Variants in CSMD1 observed in about 807,000 individuals in gnomAD.
CSMD1 encodes the protein CUB and Sushi multiple domains 1.
CSMD1 carries 213 observed loss-of-function variants against 417.5 expected under a neutral mutation model. The observed-to-expected ratio is 0.51, with a 90% CI of 0.46 to 0.57. The LOEUF (loss-of-function observed/expected upper bound fraction) is 0.57, where lower values mean the gene tolerates loss of function less well. CSMD1 is among the 20% of genes least tolerant of loss of function. The pLI is 0.00. For synonymous variants in CSMD1, 2,862 were observed against 1,736.8 expected (o/e 1.65, Z -16.11); for missense variants, 6,923 against 4,529.7 (o/e 1.53, Z -15.17).
intron 3 of CSMD1, among the ~76,000 whole-genome samples, chr8:4,077,423 T>A (rs908845649): frequency 4.6e-5 from 7 of 151,670 alleles, no homozygotes; most frequent in Middle Eastern, 6.8e-3. Context: ...AATTTTTATA[T>A]GCAATAATTA....
At chr8:3,573,777 A>G (rs1376758714) in intron 10 of CSMD1, among the ~76,000 whole-genome samples, 1 of 152,090 alleles carries the variant, frequency 6.6e-6, no homozygotes, top group Non-Finnish European at 1.5e-5. Flanking sequence ...TAATAACTCA[A>G]TAATTGGTAA....
At chr8:4,886,770 G>C (rs754973015) in intron 1 of CSMD1, among the ~76,000 whole-genome samples, 11 of 151,772 alleles carry the variant, frequency 7.2e-5, no homozygotes, top group Non-Finnish European at 1.3e-4. Context: ...TATTTTACCA[G>C]ATTTGTTGGC....
At chr8:3,353,925 T>C (rs746239482) in intron 21 of CSMD1, among the ~76,000 whole-genome samples, 4 of 152,166 alleles carry the variant, frequency 2.6e-5, no homozygotes, top group African/African-American at 4.8e-5. Flanking sequence ...AATTCTTCTG[T>C]ACAAAGGAAT....
chr8:4,320,613 G>C (rs1210054377), intron 3 of CSMD1, among the ~76,000 whole-genome samples: 1 of 152,040 alleles, frequency 6.6e-6, no homozygotes, highest in Admixed American at 6.6e-5. Context: ...GCGGTGTTTG[G>C]CTTTCTGTTC....
intron 10 of CSMD1, among the ~76,000 whole-genome samples, chr8:3,523,015 C>CACACACA: frequency 7.0e-6 from 1 of 141,874 alleles, no homozygotes; most frequent in African/African-American, 2.7e-5. Flanking sequence ...ATACACACAC[C>CACACACA]CACACACACA....
At chr8:4,841,834 C>G (rs937549189) in intron 1 of CSMD1, among the ~76,000 whole-genome samples, 2 of 136,020 alleles carry the variant, frequency 1.5e-5, no homozygotes, top group East Asian at 4.7e-4. Context: ...TCGCTTGAAC[C>G]TGGGAGGTGG....
chr8:4,050,242 C>A (rs1347989480), intron 3 of CSMD1, among the ~76,000 whole-genome samples: 1 of 152,046 alleles, frequency 6.6e-6, no homozygotes, highest in Non-Finnish European at 1.5e-5. Flanking sequence ...CTATAAACTT[C>A]TGTATTTTTA....
At chr8:3,424,311 G>C (rs534536932) in intron 12 of CSMD1, among the ~76,000 whole-genome samples, 1 of 152,042 alleles carries the variant, frequency 6.6e-6, no homozygotes, top group African/African-American at 2.4e-5. Flanking sequence ...TATTAATTTT[G>C]AGTACAATCT....
intron 5 of CSMD1, among the ~76,000 whole-genome samples, chr8:3,949,221 TTC>T (rs1811442230): frequency 6.6e-6 from 1 of 152,184 alleles, no homozygotes; most frequent in Admixed American, 6.5e-5. Context: ...CCTTAAAATC[TTC>T]TGTTAGCAAT....
At chr8:4,091,524 T>G (rs1207296776) in intron 3 of CSMD1, among the ~76,000 whole-genome samples, 1 of 152,230 alleles carries the variant, frequency 6.6e-6, no homozygotes, top group Non-Finnish European at 1.5e-5. Context: ...ATAATTATGT[T>G]AAAGCTGGCA....
chr8:3,253,741 A>T (rs950023272), intron 26 of CSMD1, among the ~76,000 whole-genome samples: 13 of 152,096 alleles, frequency 8.5e-5, no homozygotes, highest in Admixed American at 6.6e-4. Flanking sequence ...ATCTTCCTCC[A>T]TCCTTTTATT....
chr8:4,478,540 C>T (rs1469115991), intron 2 of CSMD1, among the ~76,000 whole-genome samples: 1 of 152,084 alleles, frequency 6.6e-6, no homozygotes, highest in East Asian at 1.9e-4. Context: ...AATACACTGC[C>T]TTCCATTTAA....
Position 4,994,680 on chromosome 8 carries a change from C to A in CSMD1, c.-264G>T. The A allele has an allele frequency of 2.5e-6, 1 of 404,118 alleles. No homozygotes were observed. The highest frequency in any genetic ancestry group is 4.0e-5 in the South Asian group (1 of 25,230). The allele number at this position is 404,118 out of a possible 1,614,324, so 25.0% of individuals were successfully genotyped here. On this transcript the variant is annotated 5_prime_UTR_variant, in exon 1 of 70. Coordinates refer to ENST00000635120, the MANE Select transcript of CSMD1 (RefSeq NM_033225.6). ...GCGGGGCCGGGGCCGGGGACGAGCG[C>A]CGGCCGAGCCGGGCAGGAAGGCACC...
intron 50 of CSMD1, among the ~76,000 whole-genome samples, chr8:3,048,634 A>C (rs1563278646): frequency 6.6e-6 from 1 of 152,204 alleles, no homozygotes; most frequent in Non-Finnish European, 1.5e-5. Context: ...AAACTCCTAG[A>C]AGATAACATA....
chr8:3,501,457 T>A (rs988773567), intron 10 of CSMD1, among the ~76,000 whole-genome samples: 6 of 152,216 alleles, frequency 3.9e-5, no homozygotes, highest in Non-Finnish European at 7.3e-5. Context: ...TTTTATAATT[T>A]TCCAAGATTT....
At chr8:4,458,299 CTTTT>C (rs376555718) in intron 2 of CSMD1, among the ~76,000 whole-genome samples, 9 of 150,542 alleles carry the variant, frequency 6.0e-5, no homozygotes, top group East Asian at 1.9e-4. Flanking sequence ...CTTTCTCCCT[CTTTT>C]TTTTTGTGTG....
intron 16 of CSMD1, among the ~76,000 whole-genome samples, chr8:3,398,616 A>C (rs1022192540): frequency 6.6e-6 from 1 of 152,202 alleles, no homozygotes; most frequent in Non-Finnish European, 1.5e-5. Context: ...GTCAAGAAGA[A>C]GGTCATTGTT....
chr8:4,405,857 C>A (rs1417577350), intron 3 of CSMD1, among the ~76,000 whole-genome samples: 1 of 151,390 alleles, frequency 6.6e-6, no homozygotes, highest in Non-Finnish European at 1.5e-5. Flanking sequence ...GTGATCCACT[C>A]ACCACTTTAG....
intron 5 of CSMD1, among the ~76,000 whole-genome samples, chr8:3,954,312 C>T (rs1811784466): frequency 6.6e-6 from 1 of 152,180 alleles, no homozygotes; most frequent in South Asian, 2.1e-4. Context: ...CCAGGGCATG[C>T]ACGCGAAGGC....
Sources: allele counts gnomAD v4.1 joint callset (sites outside exome capture counted in the v4.1 genomes callset), GRCh38; gene constraint gnomAD v4.1.1; transcripts MANE v1.5; gene names NCBI Gene and HGNC (gene_info 2026-07-23, HGNC 2026-07-21).